Variants in CDC73 observed in about 807,000 individuals in gnomAD.
CDC73 encodes cell division cycle 73.
CDC73 carries 21 observed loss-of-function variants against 83.7 expected under a neutral mutation model. That is an observed-to-expected ratio of 0.25 (90% CI 0.18 to 0.36). The LOEUF (loss-of-function observed/expected upper bound fraction) is 0.36. CDC73 is among the 10% of genes least tolerant of loss of function. CDC73 has a pLI of 1.00. For missense variants in CDC73, 342 were observed against 653.3 expected, an observed-to-expected ratio of 0.52 and a Z score of 5.19; for synonymous variants, 224 against 212.9, an observed-to-expected ratio of 1.05 and a Z score of -0.45.
At chr1:193,145,939 A>T (rs1194294268) in intron 7 of CDC73, among the ~76,000 whole-genome samples, 2 of 152,222 alleles carry the variant, frequency 1.3e-5, no homozygotes, top group African/African-American at 4.8e-5. Context: ...AATATTAAAT[A>T]AGCGGTAATT....
intron 10 of CDC73, among the ~76,000 whole-genome samples, chr1:193,162,460 C>T (rs1272148827): frequency 6.7e-6 from 1 of 150,016 alleles, no homozygotes; most frequent in African/African-American, 2.5e-5. Flanking sequence ...GCAGCCTCTG[C>T]CTCCCAGGTT....
At chr1:193,217,946 A>T (rs1370952720) in intron 13 of CDC73, among the ~76,000 whole-genome samples, 2 of 152,212 alleles carry the variant, frequency 1.3e-5, no homozygotes, top group African/African-American at 4.8e-5. Flanking sequence ...AATAAAAGGC[A>T]TCCAAATAGA....
chr1:193,251,567 G>C lies in CDC73; in HGVS notation c.*855G>C. On this transcript the variant is annotated 3_prime_UTR_variant, in exon 17 of 17. Transcript: ENST00000367435. ...TGTAATTTTTATGGTATAGGATTTT[G>C]AATCTTCTATTTTAGGCTTGTCAGT... 1 of 231,908 alleles carries C rather than the reference G, an allele frequency of 4.3e-6. No individual in the cohort carries two copies. Among genetic ancestry groups the C allele is most frequent in the East Asian group, 6.1e-5 (1 of 16,382 alleles). The allele number at this position is 231,908 out of a possible 1,614,324, so 14.4% of individuals were successfully genotyped here.
At chr1:193,201,235 CAAATG>C (rs1677085893) in intron 10 of CDC73, among the ~76,000 whole-genome samples, 3 of 151,912 alleles carry the variant, frequency 2.0e-5, no homozygotes. Context: ...TCAACTGAGG[CAAATG>C]AAAGTGTGTG....
chr1:193,192,935 C>G (rs1676943553), intron 10 of CDC73, among the ~76,000 whole-genome samples: 3 of 152,226 alleles, frequency 2.0e-5, no homozygotes, highest in Admixed American at 6.5e-5. Context: ...TTTTTACCTA[C>G]TCTGAGCTGT....
intron 10 of CDC73, among the ~76,000 whole-genome samples, chr1:193,183,188 G>A (rs963081370): frequency 1.3e-5 from 2 of 151,572 alleles, no homozygotes; most frequent in African/African-American, 4.8e-5. Flanking sequence ...AGTGTTAGAT[G>A]TAAATGAATG....
chr1:193,201,595 A>G (rs751587595), intron 10 of CDC73, among the ~76,000 whole-genome samples: 19 of 152,150 alleles, frequency 1.2e-4, no homozygotes, highest in Non-Finnish European at 2.1e-4. Flanking sequence ...GCTTATTGCC[A>G]AAAGGGAGTG....
intron 10 of CDC73, 152 bp downstream of exon 10, chr1:193,152,596 T>G (rs1676133046): frequency 4.8e-6 from 3 of 626,300 alleles, no homozygotes; most frequent in East Asian, 2.9e-5. Flanking sequence ...GTGTATTATT[T>G]GATTCATGGG....
chr1:193,151,563 A>G (rs1377749983), intron 9 of CDC73, among the ~76,000 whole-genome samples: 2 of 152,176 alleles, frequency 1.3e-5, no homozygotes, highest in Non-Finnish European at 2.9e-5. Flanking sequence ...ATTTGCCTTT[A>G]CAGAAAGGCA....
chr1:193,174,814 C>A (rs1392847554), intron 10 of CDC73, among the ~76,000 whole-genome samples: 1 of 152,194 alleles, frequency 6.6e-6, no homozygotes, highest in Non-Finnish European at 1.5e-5. Flanking sequence ...GCTGACATCT[C>A]TGGAATTCCT....
intron 3 of CDC73, among the ~76,000 whole-genome samples, chr1:193,133,125 T>C (rs1253617508): frequency 6.6e-6 from 1 of 151,950 alleles, no homozygotes; most frequent in Non-Finnish European, 1.5e-5. Context: ...ATGGTATCTA[T>C]CTCCTGACCT....
intron 13 of CDC73, among the ~76,000 whole-genome samples, chr1:193,219,646 C>T (rs1457595129): frequency 6.6e-6 from 1 of 152,066 alleles, no homozygotes; most frequent in Non-Finnish European, 1.5e-5. Flanking sequence ...AACAGAAATC[C>T]AAATACCACA....
intron 13 of CDC73, among the ~76,000 whole-genome samples, chr1:193,231,993 G>T (rs1677669958): frequency 6.6e-6 from 1 of 152,048 alleles, no homozygotes; most frequent in South Asian, 2.1e-4. Context: ...TAGAAAATAA[G>T]ACTTTTAAAA....
At chr1:193,235,965 A>G (rs552513909) in intron 14 of CDC73, among the ~76,000 whole-genome samples, 8 of 152,366 alleles carry the variant, frequency 5.3e-5, no homozygotes, top group African/African-American at 1.9e-4. Context: ...AGAAGGGAAC[A>G]GAAAGGGCAA....
chr1:193,126,652 T>C (rs925646007), intron 2 of CDC73, among the ~76,000 whole-genome samples: 7 of 152,244 alleles, frequency 4.6e-5, no homozygotes, highest in Non-Finnish European at 8.8e-5. Flanking sequence ...ATTAAATGTC[T>C]GCTTTTAATA....
chr1:193,180,280 A>C, intron 10 of CDC73: 10 of 1,534,022 alleles, frequency 6.5e-6, no homozygotes, highest in Non-Finnish European at 8.8e-6. Context: ...ACATTTGAAA[A>C]AAAATTGTCT....
At chr1:193,131,623 T>C (rs2103118915) in intron 3 of CDC73, among the ~76,000 whole-genome samples, 1 of 152,328 alleles carries the variant, frequency 6.6e-6, no homozygotes, top group South Asian at 2.1e-4. Context: ...TGTGACTCCA[T>C]CTTCTACCAT....
chr1:193,241,355 C>T (rs1311110306), intron 15 of CDC73, among the ~76,000 whole-genome samples: 1 of 152,220 alleles, frequency 6.6e-6, no homozygotes, highest in East Asian at 1.9e-4. Context: ...GGGTCAGTGA[C>T]ATCAGGCAGG....
At chr1:193,224,673 T>C (rs989957699) in intron 13 of CDC73, among the ~76,000 whole-genome samples, 4 of 152,178 alleles carry the variant, frequency 2.6e-5, no homozygotes, top group Non-Finnish European at 4.4e-5. Flanking sequence ...ATATGAAATA[T>C]GCATTCATAT....
Sources: allele counts gnomAD v4.1 joint callset (sites outside exome capture counted in the v4.1 genomes callset), GRCh38; gene constraint gnomAD v4.1.1; transcripts MANE v1.5; gene names NCBI Gene and HGNC (gene_info 2026-07-23, HGNC 2026-07-21).